Variants in CAMK1D observed in about 807,000 individuals in gnomAD.
CAMK1D encodes the protein calcium/calmodulin-dependent protein kinase type 1D.
A neutral mutation model predicts 47.7 loss-of-function variants in CAMK1D; 9 were observed. The ratio of observed to expected loss-of-function variants is 0.19; its 90% CI spans 0.11 to 0.33. The LOEUF is 0.33. Ranked by LOEUF, CAMK1D falls within the 10% of genes least tolerant of loss-of-function variation. The pLI, the probability that CAMK1D is intolerant of heterozygous loss-of-function variation, is 1.00. For missense variants in CAMK1D, 291 were observed against 488.7 expected, an observed-to-expected ratio of 0.60 and a Z score of 3.81; for synonymous variants, 184 against 184.9, an observed-to-expected ratio of 0.99 and a Z score of 0.04.
At chr10:12,692,066 GA>G (rs1832951838) in intron 3 of CAMK1D, among the ~76,000 whole-genome samples, 2 of 152,208 alleles carry the variant, frequency 1.3e-5, no homozygotes, top group East Asian at 3.9e-4. Flanking sequence ...TTTTGCTCAT[GA>G]TTTTTTTTAA....
At chr10:12,522,371 T>C (rs2768452) in intron 1 of CAMK1D, among the ~76,000 whole-genome samples, 14,996 of 66,252 alleles carry the variant, frequency 0.23, 3,079 homozygotes, top group South Asian at 0.39. Flanking sequence ...TGTCCCTGGG[T>C]ACTTAAGATT....
In CAMK1D at chr10:12,834,222, C is replaced by A. The variant is rs1470759496; in HGVS notation, c.*5335C>A. ...GGGCCCACGCCCCACTCACCTGGCA[C>A]CTGTTCGGTGGTCCCGGGGCATCAT... On this transcript the variant is annotated 3_prime_UTR_variant, in exon 11 of 11. Transcript: ENST00000619168. The A allele has an allele frequency of 6.6e-6, 1 of 152,380 alleles. No individual in the cohort carries two copies. The highest frequency in any genetic ancestry group is 1.5e-5 in the Non-Finnish European group (1 of 68,170). 9.4% of individuals were successfully genotyped at this position (152,380 alleles called of 1,614,324 possible).
At chr10:12,550,894 G>A (rs145307496) in intron 1 of CAMK1D, among the ~76,000 whole-genome samples, 128 of 152,340 alleles carry the variant, frequency 8.4e-4, no homozygotes, top group Non-Finnish European at 1.5e-3. Context: ...GAAGTTAATT[G>A]CACTGAGTGG....
intron 1 of CAMK1D, among the ~76,000 whole-genome samples, chr10:12,415,328 G>A (rs2186109): frequency 0.65 from 98,533 of 150,836 alleles, 32,298 homozygotes; most frequent in East Asian, 0.69. Flanking sequence ...CGCCGTTGTT[G>A]CCCAGGCTGG....
chr10:12,364,244 T>G (rs1483324787), intron 1 of CAMK1D, among the ~76,000 whole-genome samples: 1 of 144,382 alleles, frequency 6.9e-6, no homozygotes, highest in African/African-American at 2.6e-5. Flanking sequence ...TCTCTTTTTT[T>G]TTTTTTTTTT....
chr10:12,701,974 T>G (rs1007279255), intron 3 of CAMK1D, among the ~76,000 whole-genome samples: 1 of 152,196 alleles, frequency 6.6e-6, no homozygotes, highest in African/African-American at 2.4e-5. Context: ...AGATCAGGTA[T>G]GTGGGGCAGA....
intron 3 of CAMK1D, among the ~76,000 whole-genome samples, chr10:12,746,145 G>T (rs994299804): frequency 2.7e-5 from 4 of 147,266 alleles, no homozygotes; most frequent in Non-Finnish European, 5.9e-5. Context: ...GGACGGATCC[G>T]CATGGTCAGG....
At chr10:12,487,402 T>C (rs750258039) in intron 1 of CAMK1D, among the ~76,000 whole-genome samples, 2 of 152,346 alleles carry the variant, frequency 1.3e-5, no homozygotes, top group Non-Finnish European at 2.9e-5. Context: ...ATTCATAAAA[T>C]TGAGTGACCT....
At chr10:12,559,584 A>C (rs896199320) in intron 2 of CAMK1D, among the ~76,000 whole-genome samples, 1 of 152,168 alleles carries the variant, frequency 6.6e-6, no homozygotes, top group Non-Finnish European at 1.5e-5. Flanking sequence ...TGTTTCCTTC[A>C]GGAGAGGCTT....
intron 1 of CAMK1D, among the ~76,000 whole-genome samples, chr10:12,375,299 T>C (rs994613037): frequency 1.3e-5 from 2 of 152,108 alleles, no homozygotes; most frequent in Admixed American, 1.3e-4. Context: ...AGAGCCTGCT[T>C]TTCTAAATGT....
chr10:12,420,243 C>T (rs972205050), intron 1 of CAMK1D, among the ~76,000 whole-genome samples: 9 of 152,222 alleles, frequency 5.9e-5, no homozygotes, highest in Non-Finnish European at 1.3e-4. Flanking sequence ...GAGGCGTGAG[C>T]CACCACGCCT....
At chr10:12,574,079 A>G (rs1837414861) in intron 2 of CAMK1D, among the ~76,000 whole-genome samples, 2 of 152,084 alleles carry the variant, frequency 1.3e-5, no homozygotes, top group South Asian at 4.1e-4. Context: ...CTTTTGACCA[A>G]CCATTGTACT....
intron 2 of CAMK1D, among the ~76,000 whole-genome samples, chr10:12,615,669 GTA>G (rs1244083452): frequency 6.8e-6 from 1 of 147,072 alleles, no homozygotes; most frequent in Admixed American, 6.7e-5. Context: ...ATTTGAAAGT[GTA>G]TTTGTGTATA....
At chr10:12,799,290 C>T (rs537871875) in intron 6 of CAMK1D, among the ~76,000 whole-genome samples, 15 of 152,254 alleles carry the variant, frequency 9.9e-5, no homozygotes, top group African/African-American at 3.1e-4. Flanking sequence ...AAAGAGGACA[C>T]GCCGAAAGTG....
chr10:12,534,750 T>C (rs1835915780), intron 1 of CAMK1D, among the ~76,000 whole-genome samples: 1 of 152,194 alleles, frequency 6.6e-6, no homozygotes, highest in African/African-American at 2.4e-5. Context: ...TGGTTGGCAG[T>C]AGGTCTTCCA....
intron 3 of CAMK1D, among the ~76,000 whole-genome samples, chr10:12,680,760 C>T (rs1261910017): frequency 3.3e-5 from 5 of 151,920 alleles, no homozygotes; most frequent in African/African-American, 7.3e-5. Context: ...TTGCTACATC[C>T]GGATGATTAA....
At chr10:12,732,545 C>G (rs896506097) in intron 3 of CAMK1D, among the ~76,000 whole-genome samples, 1 of 151,856 alleles carries the variant, frequency 6.6e-6, no homozygotes, top group Non-Finnish European at 1.5e-5. Context: ...ACGTGGTGGC[C>G]GCAAGAGAAA....
intron 6 of CAMK1D, among the ~76,000 whole-genome samples, chr10:12,802,434 A>G (rs572982799): frequency 5.1e-4 from 77 of 152,114 alleles, no homozygotes; most frequent in African/African-American, 1.8e-3. Flanking sequence ...TATCCTGGCC[A>G]TTCTCCTCCC....
intron 1 of CAMK1D, among the ~76,000 whole-genome samples, chr10:12,417,894 T>C (rs1425693372): frequency 6.6e-6 from 1 of 151,934 alleles, no homozygotes; most frequent in East Asian, 1.9e-4. Flanking sequence ...CTCCGCCTCC[T>C]GGGTTCAGGT....
Sources: allele counts gnomAD v4.1 joint callset (sites outside exome capture counted in the v4.1 genomes callset), GRCh38; gene constraint gnomAD v4.1.1; transcripts MANE v1.5; gene names NCBI Gene and HGNC (gene_info 2026-07-23, HGNC 2026-07-21).